The following WDR27 variants were observed in gnomAD, a reference collection of about 807,000 sequenced individuals.
WDR27 encodes the protein WD repeat-containing protein 27.
In WDR27, 100 loss-of-function variants were observed where a neutral mutation model predicts 114.4. The observed-to-expected ratio is 0.87, with a 90% CI of 0.74 to 1.03. WDR27 has a LOEUF of 1.03. WDR27 is among the 50% of genes least tolerant of loss of function. The pLI is 0.00. For synonymous variants in WDR27, 449 were observed against 423.1 expected (o/e 1.06, Z -0.75); for missense variants, 1,129 against 1,092.9 (o/e 1.03, Z -0.47).
chr6:169,449,057 C>T, the WDR27 span, among the ~76,000 whole-genome samples: 3 of 152,188 alleles, frequency 2.0e-5, no homozygotes, highest in South Asian at 4.1e-4. Flanking sequence ...AGTCAAAAAA[C>T]TTGCCTACGA....
chr6:169,658,190 G>C lies in WDR27; in HGVS notation c.1402+86C>G, dbSNP rs373901939. 260 of 1,056,434 alleles carry C rather than the reference G, an allele frequency of 2.5e-4. 2 individuals carry two copies. In the South Asian group the frequency reaches 3.1e-3, roughly 13 times the overall value. 65.4% of individuals were successfully genotyped at this position (1,056,434 alleles called of 1,614,324 possible). ...GTACGGAATGCATATTTTAACATAAGAATTCGCAAAGCAATGCAGCAGCCC... is the reference window on the plus strand; with the variant it reads ...GTACGGAATGCATATTTTAACATAACAATTCGCAAAGCAATGCAGCAGCCC... On this transcript the variant is annotated intron_variant, in intron 13 of 25. Transcript: ENST00000448612.
At chr6:169,626,263 G>A (rs1438835708) in intron 21 of WDR27, among the ~76,000 whole-genome samples, 1 of 152,190 alleles carries the variant, frequency 6.6e-6, no homozygotes, top group East Asian at 1.9e-4. Flanking sequence ...CACCTATGCG[G>A]GTGTGGGTGT....
chr6:169,602,192 A>AT, intron 23 of WDR27, 27 bp downstream of exon 23: 1 of 1,496,544 alleles, frequency 6.7e-7, no homozygotes, highest in Non-Finnish European at 9.1e-7. Context: ...GACTCTCTAC[A>AT]TTTATAGACA....
At chr6:169,472,695 T>C (rs982787568) in intron 25 of WDR27, among the ~76,000 whole-genome samples, 1 of 152,228 alleles carries the variant, frequency 6.6e-6, no homozygotes, top group Non-Finnish European at 1.5e-5. Context: ...CTATAAGTAA[T>C]AAACTAATAT....
chr6:169,560,468 C>T (rs1360925344), intron 25 of WDR27, among the ~76,000 whole-genome samples: 3 of 152,190 alleles, frequency 2.0e-5, no homozygotes, highest in African/African-American at 7.2e-5. Flanking sequence ...ATGGCCCAGA[C>T]AAGAAACTCC....
chr6:169,605,405 G>T (rs1339876602), intron 22 of WDR27, among the ~76,000 whole-genome samples: 1 of 151,666 alleles, frequency 6.6e-6, no homozygotes, highest in African/African-American at 2.4e-5. Context: ...ATTAACCAAG[G>T]AGGTAAAAGG....
At chr6:169,617,819 T>C (rs1027482487) in intron 21 of WDR27, among the ~76,000 whole-genome samples, 5 of 152,238 alleles carry the variant, frequency 3.3e-5, no homozygotes, top group Non-Finnish European at 5.9e-5. Context: ...GCCTTTCCTA[T>C]TGGCACAACT....
chr6:169,491,020 C>T (rs896109026), intron 25 of WDR27, among the ~76,000 whole-genome samples: 2 of 152,172 alleles, frequency 1.3e-5, no homozygotes, highest in African/African-American at 2.4e-5. Context: ...CACAGAAAAA[C>T]GTGGACTTAC....
chr6:169,447,154 G>A, the WDR27 span, among the ~76,000 whole-genome samples: 1 of 152,132 alleles, frequency 6.6e-6, no homozygotes, highest in Admixed American at 6.5e-5. Flanking sequence ...TTTTTCTTTA[G>A]GATTCATATT....
intron 22 of WDR27, 64 bp downstream of exon 22, chr6:169,613,495 T>A: frequency 2.3e-6 from 3 of 1,294,036 alleles, no homozygotes; most frequent in Non-Finnish European, 3.3e-6. Context: ...GGAAAAGAGA[T>A]CAGATTGAGC....
chr6:169,611,680 T>G (rs1468875804), intron 22 of WDR27, among the ~76,000 whole-genome samples: 1 of 152,224 alleles, frequency 6.6e-6, no homozygotes, highest in Non-Finnish European at 1.5e-5. Flanking sequence ...TTTTTCTTAC[T>G]TTTAAAACAT....
Position 169,659,907 on chromosome 6 carries a change from C to T in WDR27, c.1130-389G>A, listed in dbSNP as rs957733353. ...AGGCTGAGTTTTCAAGGAGAAGCTG[C>T]GCCTGGCTGAGCTGGGGAGGGGCAG... On this transcript the variant is annotated intron_variant, in intron 10 of 25. Transcript: ENST00000448612. This position sits in a 1 kb window ranked among gnomAD's most constrained non-coding sequence, Gnocchi z 4.3. 4.0e-5 allele frequency among the ~76,000 whole-genome samples: 6 copies of T among 151,874 alleles called. 1 individual carries two copies. The Middle Eastern group carries it at 0.014, about 344-fold the overall frequency.
At chr6:169,575,967 C>T (rs1358522608) in intron 24 of WDR27, among the ~76,000 whole-genome samples, 1 of 152,228 alleles carries the variant, frequency 6.6e-6, no homozygotes, top group African/African-American at 2.4e-5. Context: ...GGCTTCTAAG[C>T]CCATCTGCCA....
chr6:169,490,150 T>A (rs1447254205), intron 25 of WDR27, among the ~76,000 whole-genome samples: 1 of 152,170 alleles, frequency 6.6e-6, no homozygotes, highest in Non-Finnish European at 1.5e-5. Context: ...AGCACAAAGG[T>A]TTAAGCCAGG....
chr6:169,603,853 G>C (rs573661212), intron 22 of WDR27, among the ~76,000 whole-genome samples: 53 of 152,352 alleles, frequency 3.5e-4, no homozygotes, highest in South Asian at 6.2e-4. Context: ...ACATTAATAA[G>C]TGCTCTAGAA....
chr6:169,647,667 TA>T, intron 16 of WDR27, 105 bp downstream of exon 16: 1 of 1,087,196 alleles, frequency 9.2e-7, no homozygotes, highest in Non-Finnish European at 1.4e-6. Context: ...CCAAGGTTTT[TA>T]AAAATATATT....
intron 25 of WDR27, among the ~76,000 whole-genome samples, chr6:169,475,366 G>C (rs1347205975): frequency 6.6e-6 from 1 of 152,106 alleles, no homozygotes; most frequent in African/African-American, 2.4e-5. Context: ...GGGATTACAG[G>C]CACCTCCCAC....
intron 19 of WDR27, among the ~76,000 whole-genome samples, chr6:169,635,707 G>A (rs1268751143): frequency 1.3e-5 from 2 of 152,172 alleles, no homozygotes; most frequent in Non-Finnish European, 2.9e-5. Flanking sequence ...CGAGCGCAGG[G>A]CACCTGCCCC....
chr6:169,601,972 C>A (rs1808072995), intron 23 of WDR27, among the ~76,000 whole-genome samples: 1 of 152,138 alleles, frequency 6.6e-6, no homozygotes, highest in Non-Finnish European at 1.5e-5. Flanking sequence ...AAATAGTAGG[C>A]ACTCAACAAG....
Sources: allele counts gnomAD v4.1 joint callset (sites outside exome capture counted in the v4.1 genomes callset), GRCh38; gene constraint gnomAD v4.1.1; non-coding constraint Gnocchi (gnomAD v3.1); transcripts MANE v1.5; gene names NCBI Gene and HGNC (gene_info 2026-07-23, HGNC 2026-07-21).